DLGAP1: variants seen among roughly 807,000 people sequenced by gnomAD.
DLGAP1 encodes disks large-associated protein 1.
Under a neutral mutation model 90.8 loss-of-function variants are expected in DLGAP1, and 11 were observed. The ratio of observed to expected loss-of-function variants is 0.12; its 90% CI spans 0.08 to 0.20. The LOEUF (loss-of-function observed/expected upper bound fraction) is 0.20. DLGAP1 is among the 10% of genes least tolerant of loss of function. The pLI is 1.00. For missense variants in DLGAP1, 1,050 were observed against 1,333.8 expected, an observed-to-expected ratio of 0.79 and a Z score of 3.31; for synonymous variants, 558 against 540.7, an observed-to-expected ratio of 1.03 and a Z score of -0.44.
At chr18:4,389,521 TTAC>T (rs1237705328) in intron 1 of DLGAP1, among the ~76,000 whole-genome samples, 1 of 152,214 alleles carries the variant, frequency 6.6e-6, no homozygotes, top group Non-Finnish European at 1.5e-5. Context: ...TCTGTGTAAT[TTAC>T]TACAATGGAA....
intron 10 of DLGAP1, among the ~76,000 whole-genome samples, chr18:3,515,270 C>A (rs1032460146): frequency 9.5e-5 from 14 of 146,662 alleles, no homozygotes; most frequent in South Asian, 2.2e-4. Context: ...GGAGATCGAG[C>A]CCATCCTGGC....
At chr18:4,169,458 CTAT>C (rs112638069) in intron 1 of DLGAP1, among the ~76,000 whole-genome samples, 1,977 of 152,240 alleles carry the variant, frequency 0.013, 38 homozygotes, top group African/African-American at 0.04. Context: ...ATTAGTTATA[CTAT>C]TCAAGGGAGA....
intron 1 of DLGAP1, among the ~76,000 whole-genome samples, chr18:4,356,212 G>A (rs546543789): frequency 6.6e-6 from 1 of 151,766 alleles, no homozygotes; most frequent in Non-Finnish European, 1.5e-5. Context: ...TCATTTGGAG[G>A]TTCTTCTCTT....
intron 1 of DLGAP1, among the ~76,000 whole-genome samples, chr18:4,246,674 C>T (rs1268340833): frequency 5.8e-4 from 88 of 152,258 alleles, no homozygotes; most frequent in Admixed American, 5.7e-3. Flanking sequence ...TCAGGACTTC[C>T]GTCTCGAGGG....
intron 1 of DLGAP1, among the ~76,000 whole-genome samples, chr18:4,168,576 G>C (rs1465819081): frequency 6.6e-6 from 1 of 151,866 alleles, no homozygotes; most frequent in East Asian, 1.9e-4. Flanking sequence ...CCTAGTCCTT[G>C]GTAACCACTA....
chr18:3,824,358 T>G (rs1483294662), intron 4 of DLGAP1, among the ~76,000 whole-genome samples: 2 of 152,186 alleles, frequency 1.3e-5, no homozygotes, highest in Non-Finnish European at 2.9e-5. Context: ...TAATCCTTGG[T>G]GTTGTCTAAA....
intron 4 of DLGAP1, among the ~76,000 whole-genome samples, chr18:3,864,594 C>G (rs1599045339): frequency 6.6e-6 from 1 of 152,164 alleles, no homozygotes; most frequent in Non-Finnish European, 1.5e-5. Flanking sequence ...AGGAAATACC[C>G]AAAACCAGCT....
intron 1 of DLGAP1, among the ~76,000 whole-genome samples, chr18:4,369,815 TAAAAAAAAA>T (rs11387946): frequency 1.3e-5 from 1 of 74,642 alleles, no homozygotes; most frequent in African/African-American, 4.9e-5. Context: ...AAAGTCTTAG[TAAAAAAAAA>T]AAAAAAAAAA....
Position 3,729,516 on chromosome 18 carries a change from G to T in DLGAP1, c.1351-141C>A. 8.5e-7 allele frequency: 1 copy of T among 1,181,730 alleles called. No individual in the cohort carries two copies. The highest frequency in any genetic ancestry group is 1.2e-6 in the Non-Finnish European group (1 of 854,826). The allele number at this position is 1,181,730 out of a possible 1,614,324, so 73.2% of individuals were successfully genotyped here. A position where few individuals can be genotyped will look rare whatever the true frequency, so the allele number is the denominator to read the frequency against. ...CTCAAATGCATTTTATTTCCTTTCT[G>T]TTACAGGCTATAATTGAATGGCATC... On this transcript the variant is annotated intron_variant, in intron 6 of 12. Transcript: ENST00000315677. This position sits in a 1 kb window ranked among gnomAD's most constrained non-coding sequence, Gnocchi z 6.2.
rs150361123 is a variant in DLGAP1 at position 3,879,092 on chromosome 18, A to G, written c.957+20T>C. 293 of 1,484,832 alleles carry G rather than the reference A, an allele frequency of 2.0e-4. No homozygotes were observed. The highest frequency in any genetic ancestry group is 2.5e-4 in the Non-Finnish European group (279 of 1,117,252). The allele number at this position is 1,484,832 out of a possible 1,614,324, so 92.0% of individuals were successfully genotyped here. ...TGCCAGGTACTACTTCTAAGCCTCC[A>G]TCATTGACAGAAATGGTACCTGCAG... On this transcript the variant is annotated intron_variant, in intron 4 of 12. Transcript: ENST00000315677. This position sits in a 1 kb window ranked among gnomAD's most constrained non-coding sequence, Gnocchi z 6.6.
At chr18:4,015,214 C>T (rs562316476) in intron 2 of DLGAP1, among the ~76,000 whole-genome samples, 2 of 152,270 alleles carry the variant, frequency 1.3e-5, no homozygotes, top group Non-Finnish European at 2.9e-5. Flanking sequence ...GAGGCCTGTG[C>T]TCTCTCTTGA....
At chr18:3,600,025 A>T (rs1791150) in intron 7 of DLGAP1, among the ~76,000 whole-genome samples, 68,546 of 151,442 alleles carry the variant, frequency 0.45, 16,245 homozygotes, top group Middle Eastern at 0.63. Context: ...GCTCAAGCGA[A>T]CCTCCCACTT....
At chr18:3,720,896 A>AAAAAAAAAAAAAAAAAAAAAAAAAAC (rs2061955299) in intron 7 of DLGAP1, among the ~76,000 whole-genome samples, 1 of 125,796 alleles carries the variant, frequency 7.9e-6, no homozygotes, top group African/African-American at 3.6e-5. Context: ...TACAAAAAAA[A>AAAAAAAAAAAAAAAAAAAAAAAAAAC]AAAAAAAAAA....
chr18:3,628,489 A>G (rs896612548), intron 7 of DLGAP1, among the ~76,000 whole-genome samples: 6 of 152,094 alleles, frequency 3.9e-5, no homozygotes, highest in African/African-American at 1.4e-4. Flanking sequence ...TGCCCAGCCT[A>G]TTCTTAAAGA....
chr18:3,708,464 C>A (rs2061504091), intron 7 of DLGAP1: 4 of 456,520 alleles, frequency 8.8e-6, no homozygotes, highest in Non-Finnish European at 1.8e-5. Flanking sequence ...TGTCTTCCTA[C>A]CCTAGCGCCC....
In DLGAP1 at chr18:3,986,947, A is replaced by G. The variant is rs372532891; in HGVS notation, c.-73+18169T>C. Among the ~76,000 whole-genome samples the G allele has an allele frequency of 3.3e-5, 5 of 152,280 alleles. No homozygotes were observed. In the East Asian group the frequency reaches 7.7e-4, roughly 23 times the overall value. On this transcript the variant is annotated intron_variant, in intron 3 of 12. Transcript: ENST00000315677. The stretch of plus-strand genomic sequence containing the variant: ...ATGTCCTATGATTTAGCAACTGAAA[A>G]GTTAATGCTCGACACAGGACGAGGC...
intron 1 of DLGAP1, among the ~76,000 whole-genome samples, chr18:4,444,423 A>G (rs1318889950): frequency 2.6e-5 from 4 of 152,162 alleles, no homozygotes; most frequent in Non-Finnish European, 4.4e-5. Flanking sequence ...ATATGGTGCC[A>G]TATCAGGCAG....
At chr18:3,882,617 G>T (rs2071204865) in intron 3 of DLGAP1, among the ~76,000 whole-genome samples, 1 of 151,744 alleles carries the variant, frequency 6.6e-6, no homozygotes, top group Non-Finnish European at 1.5e-5. Flanking sequence ...AAGGACCCCA[G>T]ACCTAATAGC....
At chr18:3,618,502 A>G (rs979997132) in intron 7 of DLGAP1, among the ~76,000 whole-genome samples, 1 of 151,404 alleles carries the variant, frequency 6.6e-6, no homozygotes, top group East Asian at 2.0e-4. Context: ...TTGTGCATCA[A>G]ATAAATAACC....
Sources: gnomAD v4.1 joint callset for allele counts (sites outside exome capture counted in the v4.1 genomes callset) on GRCh38, gnomAD v4.1.1 for gene constraint, Gnocchi (gnomAD v3.1) non-coding constraint, MANE v1.5 for transcripts, NCBI Gene and HGNC (gene_info 2026-07-23, HGNC 2026-07-21) for gene names.